GALNTL6: variants seen among roughly 807,000 people sequenced by gnomAD.
The protein encoded by GALNTL6 is polypeptide N-acetylgalactosaminyltransferase-like 6.
In GALNTL6, 46 loss-of-function variants were observed where a neutral mutation model predicts 73.7. The observed-to-expected ratio is 0.62, with a 90% CI of 0.49 to 0.80. The LOEUF (loss-of-function observed/expected upper bound fraction) is 0.80. GALNTL6 is among the 30% of genes least tolerant of loss of function. The pLI is 0.00. For missense variants in GALNTL6, 604 were observed against 755.0 expected, an observed-to-expected ratio of 0.80 and a Z score of 2.34; for synonymous variants, 259 against 263.7, an observed-to-expected ratio of 0.98 and a Z score of 0.17.
chr4:172,219,875 C>T (rs945860103), intron 2 of GALNTL6, among the ~76,000 whole-genome samples: 3 of 151,938 alleles, frequency 2.0e-5, no homozygotes, highest in Non-Finnish European at 4.4e-5. Context: ...ATTGGCACTT[C>T]TGCCTAAAAA....
chr4:172,479,501 A>G (rs1733365409), intron 5 of GALNTL6, among the ~76,000 whole-genome samples: 1 of 152,238 alleles, frequency 6.6e-6, no homozygotes, highest in South Asian at 2.1e-4. Flanking sequence ...GAGCTAAGCT[A>G]TGGGCACACA....
intron 5 of GALNTL6, among the ~76,000 whole-genome samples, chr4:172,598,206 T>A (rs1194663269): frequency 6.6e-6 from 1 of 152,146 alleles, no homozygotes; most frequent in Non-Finnish European, 1.5e-5. Context: ...GTGTGCAGTA[T>A]CTGAAAACAC....
At chr4:173,033,678 T>TAAGTGACCACA (rs1753564484) in intron 12 of GALNTL6, among the ~76,000 whole-genome samples, 2 of 152,136 alleles carry the variant, frequency 1.3e-5, no homozygotes, top group African/African-American at 4.8e-5. Flanking sequence ...ACTGACAAAC[T>TAAGTGACCACA]AAGTGACCAC....
chr4:172,775,112 C>T (rs1739001331), intron 5 of GALNTL6, among the ~76,000 whole-genome samples: 1 of 151,924 alleles, frequency 6.6e-6, no homozygotes, highest in South Asian at 2.1e-4. Flanking sequence ...CTGTTTTTCT[C>T]ACTGGAAAAG....
At chr4:171,955,647 A>G (rs1334307603) in intron 2 of GALNTL6, among the ~76,000 whole-genome samples, 1 of 149,894 alleles carries the variant, frequency 6.7e-6, no homozygotes, top group Non-Finnish European at 1.5e-5. Flanking sequence ...TAATGACAAG[A>G]AAAAAATGTT....
intron 2 of GALNTL6, among the ~76,000 whole-genome samples, chr4:171,840,627 G>A (rs1735213999): frequency 6.6e-6 from 1 of 152,128 alleles, no homozygotes; most frequent in Non-Finnish European, 1.5e-5. Context: ...AGCCTTTGGA[G>A]TAGAACAGTA....
intron 2 of GALNTL6, among the ~76,000 whole-genome samples, chr4:172,151,145 T>C (rs1472941559): frequency 1.3e-5 from 2 of 152,114 alleles, no homozygotes; most frequent in African/African-American, 2.4e-5. Flanking sequence ...TCTATCTATA[T>C]AGATGACATA....
chr4:172,785,623 C>G (rs1241554827), intron 5 of GALNTL6, among the ~76,000 whole-genome samples: 1 of 151,986 alleles, frequency 6.6e-6, no homozygotes, highest in African/African-American at 2.4e-5. Context: ...TATGATATAT[C>G]AGATTATCAT....
At chr4:172,050,470 G>A (rs938170101) in intron 2 of GALNTL6, among the ~76,000 whole-genome samples, 1 of 152,144 alleles carries the variant, frequency 6.6e-6, no homozygotes, top group African/African-American at 2.4e-5. Context: ...AAAATTTGGG[G>A]TGGGCAGAAA....
chr4:171,965,725 T>C (rs2111054755), intron 2 of GALNTL6, among the ~76,000 whole-genome samples: 1 of 149,796 alleles, frequency 6.7e-6, no homozygotes, highest in Non-Finnish European at 1.5e-5. Flanking sequence ...TATAAAAAGC[T>C]AGCTGACTTA....
intron 5 of GALNTL6, among the ~76,000 whole-genome samples, chr4:172,372,530 A>T (rs953816021): frequency 3.3e-5 from 5 of 152,178 alleles, no homozygotes; most frequent in Admixed American, 2.6e-4. Context: ...GCCTTTTGCT[A>T]CTACATCAAT....
At chr4:172,872,607 A>G (rs1745003151) in intron 7 of GALNTL6, among the ~76,000 whole-genome samples, 2 of 152,230 alleles carry the variant, frequency 1.3e-5, no homozygotes, top group Non-Finnish European at 2.9e-5. Flanking sequence ...GTTTAGCCTC[A>G]GGAGACTGTT....
Position 172,816,935 on chromosome 4 carries a change from C to T in GALNTL6, c.923+3212C>T, listed in dbSNP as rs75235113. 4.8e-3 allele frequency among the ~76,000 whole-genome samples: 732 copies of T among 151,718 alleles called. 9 individuals are homozygous for T. The highest frequency in any genetic ancestry group is 0.017 in the African/African-American group (702 of 41,332). On this transcript the variant is annotated intron_variant, in intron 7 of 12. Transcript: ENST00000506823. ...CAGCCTGTTCAATACAGTGAAACCC[C>T]GCCTTTACTAAAAATACAACAATTA...
rs547738425 is a variant in GALNTL6 at position 172,063,542 on chromosome 4, C to G, written c.139-166114C>G. Among the ~76,000 whole-genome samples the G allele has an allele frequency of 9.8e-4, 149 of 151,908 alleles. 1 individual carries two copies. The highest frequency in any genetic ancestry group is 3.5e-3 in the African/African-American group (146 of 41,426). The stretch of plus-strand genomic sequence containing the variant: ...ATATGACTCTAAACAAAGTGTTTTG[C>G]AAAACCCTCTTTTGCAATGAAAGAA... On this transcript the variant is annotated intron_variant, in intron 2 of 12. Transcript: ENST00000506823.
chr4:172,370,215 G>A (rs1481099436), intron 5 of GALNTL6, among the ~76,000 whole-genome samples: 1 of 152,236 alleles, frequency 6.6e-6, no homozygotes, highest in South Asian at 2.1e-4. Flanking sequence ...TGTTAGTTGG[G>A]CTCATTTGGG....
At chr4:171,930,317 A>T (rs80258096) in intron 2 of GALNTL6, among the ~76,000 whole-genome samples, 2,683 of 152,346 alleles carry the variant, frequency 0.018, 79 homozygotes, top group African/African-American at 0.062. Context: ...CTCACTGATG[A>T]AAATCACAGC....
chr4:172,062,096 C>T (rs1156563642), intron 2 of GALNTL6, among the ~76,000 whole-genome samples: 2 of 151,694 alleles, frequency 1.3e-5, no homozygotes, highest in African/African-American at 4.8e-5. Context: ...ACTACAGGTG[C>T]ACACCACCAT....
intron 2 of GALNTL6, among the ~76,000 whole-genome samples, chr4:171,987,301 G>C (rs940351774): frequency 2.0e-5 from 3 of 152,152 alleles, no homozygotes; most frequent in African/African-American, 7.2e-5. Context: ...ATAAAGGTTT[G>C]ACTGAATACT....
chr4:172,449,934 C>T (rs949344465), intron 5 of GALNTL6, among the ~76,000 whole-genome samples: 2 of 152,112 alleles, frequency 1.3e-5, no homozygotes, highest in African/African-American at 4.8e-5. Context: ...AGCTGCCTCC[C>T]CCTGTTGGGT....
Sources: allele counts gnomAD v4.1 joint callset (sites outside exome capture counted in the v4.1 genomes callset), GRCh38; gene constraint gnomAD v4.1.1; transcripts MANE v1.5; gene names NCBI Gene and HGNC (gene_info 2026-07-23, HGNC 2026-07-21).